Variants in IPCEF1 observed in about 807,000 individuals in gnomAD.
IPCEF1 encodes the protein interaction protein for cytohesin exchange factors 1.
A neutral mutation model predicts 50.9 loss-of-function variants in IPCEF1; 31 were observed. The ratio of observed to expected loss-of-function variants is 0.61; its 90% confidence interval spans 0.46 to 0.82. The LOEUF is 0.82. Among genes scored for constraint, IPCEF1 ranks in the 40% least tolerant of loss-of-function variants. The pLI is 0.00. For missense variants in IPCEF1, 458 were observed against 514.0 expected (o/e 0.89, Z 1.05); for synonymous variants, 181 against 192.0 (o/e 0.94, Z 0.47).
chr6:154,303,336 C>T (rs1352020684), intron 1 of IPCEF1, among the ~76,000 whole-genome samples: 1 of 151,892 alleles, frequency 6.6e-6, no homozygotes, highest in Non-Finnish European at 1.5e-5. Flanking sequence ...GTGATCCGCC[C>T]ACCTCGGCCT....
At chr6:154,176,521 C>T (rs143845646) in intron 10 of IPCEF1, among the ~76,000 whole-genome samples, 5,795 of 152,170 alleles carry the variant, frequency 0.038, 352 homozygotes, top group African/African-American at 0.13. Context: ...CATTCCAATA[C>T]ACCAATAACA....
chr6:154,270,398 A>T (rs1781871808), intron 2 of IPCEF1, among the ~76,000 whole-genome samples: 1 of 152,228 alleles, frequency 6.6e-6, no homozygotes, highest in Non-Finnish European at 1.5e-5. Context: ...AAAACCAATA[A>T]TAGGATTAGA....
intron 1 of IPCEF1, among the ~76,000 whole-genome samples, chr6:154,325,158 T>A (rs568621172): frequency 6.6e-6 from 1 of 152,250 alleles, no homozygotes; most frequent in African/African-American, 2.4e-5. Flanking sequence ...TGAGATAAAA[T>A]TTTTCATTTA....
intron 10 of IPCEF1, among the ~76,000 whole-genome samples, chr6:154,178,024 C>A (rs1800496850): frequency 6.7e-6 from 1 of 149,228 alleles, no homozygotes; most frequent in South Asian, 2.1e-4. Flanking sequence ...TCATTCTCAG[C>A]AAAATATCAC....
intron 11 of IPCEF1, among the ~76,000 whole-genome samples, chr6:154,162,130 T>G (rs7762940): frequency 0.042 from 6,402 of 152,240 alleles, 427 homozygotes; most frequent in African/African-American, 0.14. Flanking sequence ...GCATCTGTGC[T>G]CCTAGTAAAG....
intron 9 of IPCEF1, among the ~76,000 whole-genome samples, chr6:154,201,224 G>A (rs1047056626): frequency 2.0e-5 from 3 of 152,160 alleles, no homozygotes; most frequent in Non-Finnish European, 2.9e-5. Context: ...TTACAGAGGT[G>A]TGAAAATGGA....
intron 11 of IPCEF1, 21 bp from the exon 12 acceptor site, chr6:154,160,061 G>A (rs776682044): frequency 7.0e-6 from 11 of 1,571,208 alleles, no homozygotes; most frequent in Non-Finnish European, 5.2e-6. Context: ...AGAAAAAAAG[G>A]GGAAGGGGGT....
rs766675292 is a variant in IPCEF1, at chr6:154,214,294, A to C, written c.393-18T>G. 7 of 1,592,002 alleles carry C rather than the reference A, an allele frequency of 4.4e-6. No individual in the cohort carries two copies. The highest frequency in any genetic ancestry group is 6.0e-6 in the Non-Finnish European group (7 of 1,159,972). Reference sequence around the variant, plus strand: ...TTAACCACCTAAAATTCAAATAGAAAGCAAATGTTGACCAAAGAGATTAGC... The same window carrying C: ...TTAACCACCTAAAATTCAAATAGAACGCAAATGTTGACCAAAGAGATTAGC... On this transcript the variant is annotated intron_variant, in intron 7 of 11. Transcript: ENST00000367220.
Position 154,199,812 on chromosome 6 carries a change from G to C in IPCEF1, c.766C>G (p.His256Asp). 6.2e-7 allele frequency: 1 copy of C among 1,614,150 alleles called. No homozygotes were observed. ...HSPVPSEAGI[H>D]KALENSFVTS... ...ACAAAACTGTTTTCCAGGGCCTTGT[G>C]GATGCCTGCCTCTGAGGGTACAGGT... Residue 256 changes from histidine to aspartate, a missense_variant, in exon 10 of 12, where the codon CAC becomes GAC. His to Asp is a moderately conservative substitution (Grantham distance 81). Coordinates refer to ENST00000367220, the MANE Select transcript of IPCEF1 (RefSeq NM_001130700.2).
At chr6:154,269,416 G>T (rs181919139) in intron 2 of IPCEF1, among the ~76,000 whole-genome samples, 30 of 152,296 alleles carry the variant, frequency 2.0e-4, no homozygotes, top group African/African-American at 7.2e-4. Context: ...CCTTTGTGGA[G>T]TTTGTGTATG....
chr6:154,330,695 T>G (rs981771334), intron 1 of IPCEF1, among the ~76,000 whole-genome samples: 1 of 152,166 alleles, frequency 6.6e-6, no homozygotes, highest in Non-Finnish European at 1.5e-5. Flanking sequence ...CCAAGCATTT[T>G]CTCTTACAGC....
chr6:154,252,560 A>C (rs1245734400), intron 3 of IPCEF1, among the ~76,000 whole-genome samples: 1 of 152,178 alleles, frequency 6.6e-6, no homozygotes, highest in Non-Finnish European at 1.5e-5. Flanking sequence ...CTGTAATCCC[A>C]GCTACTCGGG....
At chr6:154,185,757 T>C (rs140982384) in intron 10 of IPCEF1, among the ~76,000 whole-genome samples, 1 of 152,106 alleles carries the variant, frequency 6.6e-6, no homozygotes, top group Non-Finnish European at 1.5e-5. Flanking sequence ...ACACTAACAA[T>C]AGCTGAAACA....
chr6:154,181,260 G>A (rs1367524568), intron 10 of IPCEF1, among the ~76,000 whole-genome samples: 1 of 152,178 alleles, frequency 6.6e-6, no homozygotes, highest in Non-Finnish European at 1.5e-5. Context: ...TAATTTGAGA[G>A]AGAAATCTCC....
At chr6:154,182,172 A>C (rs1800942890) in intron 10 of IPCEF1, among the ~76,000 whole-genome samples, 1 of 152,250 alleles carries the variant, frequency 6.6e-6, no homozygotes. Flanking sequence ...TTGTGCTCTC[A>C]TGAATCTAAG....
intron 11 of IPCEF1, among the ~76,000 whole-genome samples, chr6:154,167,086 T>G (rs548680921): frequency 1.2e-4 from 18 of 152,350 alleles, no homozygotes; most frequent in African/African-American, 4.1e-4. Flanking sequence ...CTGACATTTC[T>G]TCCTGGAAAA....
At chr6:154,218,307 C>T (rs1164428660) in intron 7 of IPCEF1, among the ~76,000 whole-genome samples, 3 of 152,184 alleles carry the variant, frequency 2.0e-5, no homozygotes, top group Non-Finnish European at 1.5e-5. Context: ...AAAGGCAGCT[C>T]CCGTCTTTGC....
chr6:154,333,107 T>G (rs919389076), intron 1 of IPCEF1, among the ~76,000 whole-genome samples: 2 of 152,204 alleles, frequency 1.3e-5, no homozygotes, highest in African/African-American at 4.8e-5. Context: ...CTTCAGGGTG[T>G]TACTGGAACT....
At chr6:154,191,207 A>T (rs1320455826) in intron 10 of IPCEF1, among the ~76,000 whole-genome samples, 1 of 152,234 alleles carries the variant, frequency 6.6e-6, no homozygotes, top group Non-Finnish European at 1.5e-5. Flanking sequence ...AAGAGGTAGT[A>T]AAAAAGATGA....
Sources: gnomAD v4.1 joint callset for allele counts (sites outside exome capture counted in the v4.1 genomes callset) on GRCh38, gnomAD v4.1.1 for gene constraint, MANE v1.5 for transcripts, NCBI Gene and HGNC (gene_info 2026-07-23, HGNC 2026-07-21) for gene names.